The following RABGAP1 variants were observed in gnomAD, a reference collection of about 807,000 sequenced individuals.
RABGAP1 encodes the protein rab GTPase-activating protein 1.
In RABGAP1, 23 loss-of-function variants were observed where a neutral mutation model predicts 137.6. The ratio of observed to expected loss-of-function variants is 0.17; its 90% CI spans 0.12 to 0.24. RABGAP1 has a LOEUF of 0.24. Ranked by LOEUF, RABGAP1 falls within the 10% of genes least tolerant of loss-of-function variation. The pLI is 1.00. For missense variants in RABGAP1, 906 were observed against 1,275.8 expected, an observed-to-expected ratio of 0.71 and a Z score of 4.42; for synonymous variants, 451 against 450.7, an observed-to-expected ratio of 1.00 and a Z score of -0.01.
intron 19 of RABGAP1, among the ~76,000 whole-genome samples, chr9:123,083,201 T>C (rs2034766803): frequency 6.6e-6 from 1 of 152,242 alleles, no homozygotes; most frequent in Non-Finnish European, 1.5e-5. Context: ...TCTGCTTTAC[T>C]GTAAATGATG....
intron 13 of RABGAP1, among the ~76,000 whole-genome samples, chr9:123,046,296 C>T (rs2033202822): frequency 6.6e-6 from 1 of 152,082 alleles, no homozygotes; most frequent in Admixed American, 6.6e-5. Flanking sequence ...GAGGCTGAAG[C>T]GGTAAAGAGG....
At chr9:123,035,054 C>T (rs1410259051) in intron 13 of RABGAP1, 1 of 1,613,948 alleles carries the variant, frequency 6.2e-7, no homozygotes, top group Non-Finnish European at 8.5e-7. Context: ...GTCTTCCTGC[C>T]TTCCTTTTTC....
chr9:123,030,815 G>C (rs982281199), intron 13 of RABGAP1, among the ~76,000 whole-genome samples: 3 of 152,110 alleles, frequency 2.0e-5, no homozygotes, highest in Non-Finnish European at 4.4e-5. Flanking sequence ...TGTACATGTG[G>C]ATTTCTGTAA....
intron 2 of RABGAP1, among the ~76,000 whole-genome samples, chr9:122,966,079 A>G (rs1835130017): frequency 6.6e-6 from 1 of 152,184 alleles, no homozygotes; most frequent in African/African-American, 2.4e-5. Flanking sequence ...TAAGTCCAGA[A>G]TTGGGTCAGG....
chr9:123,101,693 A>G lies in RABGAP1; in HGVS notation c.3017A>G (p.Gln1006Arg). Residue 1006 changes from glutamine (Q) to arginine (R), a missense_variant, in exon 25 of 26, where the codon CAG (glutamine) becomes CGG (arginine). Transcript: ENST00000373647. ...GAAGAGAAAGAGACGCTCAAGAACC[A>G]GCTGAGAGAAATGGAGCTAGAACTG... ...TDEEKETLKNQLREMELELAQ... is the reference protein window; with the variant it reads ...TDEEKETLKNRLREMELELAQ... 6.2e-7 allele frequency: 1 copy of G among 1,614,048 alleles called. No homozygotes were observed. The highest frequency in any genetic ancestry group is 1.1e-5 in the South Asian group (1 of 91,032).
intron 19 of RABGAP1, among the ~76,000 whole-genome samples, chr9:123,078,655 G>A (rs1009174348): frequency 6.6e-6 from 1 of 151,964 alleles, no homozygotes; most frequent in Non-Finnish European, 1.5e-5. Context: ...CCTCTTTTTT[G>A]TTCATGATTT....
chr9:123,023,353 G>A (rs767491246), intron 13 of RABGAP1, among the ~76,000 whole-genome samples: 3 of 152,056 alleles, frequency 2.0e-5, no homozygotes, highest in Non-Finnish European at 2.9e-5. Flanking sequence ...CCTAATTTTT[G>A]TATTTTTAGT....
chr9:122,931,857 C>T, the RABGAP1 span, among the ~76,000 whole-genome samples: 1 of 152,376 alleles, frequency 6.6e-6, no homozygotes, highest in Non-Finnish European at 1.5e-5. Flanking sequence ...GCCTGAAGGG[C>T]TCCTCTGCAC....
At chr9:122,989,994 C>T in intron 5 of RABGAP1, 62 bp from the exon 6 acceptor site, 9 of 1,436,310 alleles carry the variant, frequency 6.3e-6, no homozygotes, top group Non-Finnish European at 7.6e-6. Context: ...AATCTTCCAG[C>T]CTTAATAAAG....
chr9:122,990,796 A>AAAATAT (rs1564384161), intron 6 of RABGAP1: 1 of 27,746 alleles, frequency 3.6e-5, no homozygotes, highest in African/African-American at 1.2e-4. Context: ...AAAAAAAAAA[A>AAAATAT]ATATATATAT....
intron 13 of RABGAP1, among the ~76,000 whole-genome samples, chr9:123,039,795 G>A (rs1478624614): frequency 2.0e-5 from 3 of 152,216 alleles, no homozygotes; most frequent in East Asian, 3.9e-4. Context: ...TGGTCACAAG[G>A]CCAAAGGAAC....
chr9:123,075,054 A>G (rs1346519249), intron 17 of RABGAP1, among the ~76,000 whole-genome samples: 1 of 152,226 alleles, frequency 6.6e-6, no homozygotes, highest in Non-Finnish European at 1.5e-5. Flanking sequence ...AGTCTTTGCC[A>G]TGACGTAATT....
chr9:123,011,684 A>G (rs1405129459), intron 11 of RABGAP1, among the ~76,000 whole-genome samples: 1 of 152,218 alleles, frequency 6.6e-6, no homozygotes, highest in Non-Finnish European at 1.5e-5. Flanking sequence ...CTGGCCAGGC[A>G]CGGTGGCTCA....
At chr9:123,103,012 C>A in intron 25 of RABGAP1, 79 bp from the exon 26 acceptor site, 8 of 1,533,324 alleles carry the variant, frequency 5.2e-6, no homozygotes, top group Non-Finnish European at 7.0e-6. Flanking sequence ...AGACTGCATT[C>A]TTGTCTTGGT....
chr9:123,010,351 A>T lies in RABGAP1; in HGVS notation c.1375-3A>T. On this transcript the variant is annotated splice_polypyrimidine_tract_variant and splice_region_variant and intron_variant, in intron 10 of 25. Coordinates refer to ENST00000373647, the MANE Select transcript of RABGAP1 (RefSeq NM_012197.4). ...TAATAAATAATATTTTTTCATCTTC[A>T]AGATAAAGCAAAGGGAGAGAAAGAA... 6.3e-7 allele frequency: 1 copy of T among 1,599,294 alleles called. No individual in the cohort carries two copies. The highest frequency in any genetic ancestry group is 1.1e-5 in the South Asian group (1 of 88,560).
intron 17 of RABGAP1, among the ~76,000 whole-genome samples, chr9:123,075,869 C>G (rs1588382112): frequency 6.6e-6 from 1 of 152,110 alleles, no homozygotes; most frequent in East Asian, 1.9e-4. Flanking sequence ...TAGGGCTTAT[C>G]GACAGAGTGG....
intron 19 of RABGAP1, 169 bp downstream of exon 19, chr9:123,076,931 T>C (rs1395016061): frequency 5.6e-6 from 2 of 359,876 alleles, no homozygotes; most frequent in East Asian, 2.0e-4. Context: ...TTCTTCTGTA[T>C]TATATAACTC....
intron 13 of RABGAP1, among the ~76,000 whole-genome samples, chr9:123,022,472 T>A (rs1456686544): frequency 6.6e-6 from 1 of 152,136 alleles, no homozygotes; most frequent in Non-Finnish European, 1.5e-5. Context: ...AGTGGTACGA[T>A]CTCGGCTCAC....
intron 11 of RABGAP1, among the ~76,000 whole-genome samples, chr9:123,012,194 G>A (rs936480815): frequency 6.6e-6 from 1 of 152,150 alleles, no homozygotes; most frequent in African/African-American, 2.4e-5. Context: ...CCCCTGGAGA[G>A]CCAATTTAAG....
Sources: allele counts gnomAD v4.1 joint callset (sites outside exome capture counted in the v4.1 genomes callset), GRCh38; gene constraint gnomAD v4.1.1; transcripts MANE v1.5; gene names NCBI Gene and HGNC (gene_info 2026-07-23, HGNC 2026-07-21).